The following DAAM1 variants were observed in gnomAD, a reference collection of about 807,000 sequenced individuals.
DAAM1 encodes the protein disheveled-associated activator of morphogenesis 1.
Under a neutral mutation model 130.0 loss-of-function variants are expected in DAAM1, and 52 were observed. The observed-to-expected ratio is 0.40, with a 90% CI of 0.32 to 0.50. DAAM1 has a LOEUF of 0.50. DAAM1 is among the 20% of genes least tolerant of loss of function. The pLI, the probability that DAAM1 is intolerant of heterozygous loss-of-function variation, is 0.61. For missense variants in DAAM1, 1,134 were observed against 1,303.8 expected, an observed-to-expected ratio of 0.87 and a Z score of 2.01; for synonymous variants, 452 against 444.5, an observed-to-expected ratio of 1.02 and a Z score of -0.21.
intron 22 of DAAM1, among the ~76,000 whole-genome samples, chr14:59,361,189 T>A (rs943103252): frequency 1.3e-5 from 2 of 152,196 alleles, no homozygotes; most frequent in African/African-American, 4.8e-5. Flanking sequence ...AGTTTCCAAG[T>A]GCTGCTAATA....
At chr14:59,319,424 GTCC>G (rs1445924179) in intron 4 of DAAM1, among the ~76,000 whole-genome samples, 13 of 152,130 alleles carry the variant, frequency 8.5e-5, no homozygotes. Flanking sequence ...ATGAGTTATG[GTCC>G]TGAAAGAAAG....
intron 1 of DAAM1, among the ~76,000 whole-genome samples, chr14:59,204,829 C>T (rs376380296): frequency 1.3e-5 from 2 of 152,048 alleles, no homozygotes; most frequent in Non-Finnish European, 2.9e-5. Context: ...GTCAGGAGTT[C>T]GAGACCAGCC....
At chr14:59,356,162 TA>T (rs1886473598) in intron 20 of DAAM1, among the ~76,000 whole-genome samples, 1 of 152,222 alleles carries the variant, frequency 6.6e-6, no homozygotes, top group Admixed American at 6.5e-5. Flanking sequence ...GTTTCTAAGG[TA>T]AGCTTCTTCA....
chr14:59,226,368 A>G (rs191589797), intron 1 of DAAM1, among the ~76,000 whole-genome samples: 1 of 152,282 alleles, frequency 6.6e-6, no homozygotes, highest in Non-Finnish European at 1.5e-5. Flanking sequence ...AACTAAATTT[A>G]AGACAAACAC....
At chr14:59,363,621 C>A in intron 22 of DAAM1, 30 bp from the exon 23 acceptor site, 1 of 1,613,340 alleles carries the variant, frequency 6.2e-7, no homozygotes, top group Non-Finnish European at 8.5e-7. Context: ...TTGAAGCCTG[C>A]ATTGACATTA....
At chr14:59,200,029 C>T (rs185696685) in intron 1 of DAAM1, among the ~76,000 whole-genome samples, 47 of 152,322 alleles carry the variant, frequency 3.1e-4, no homozygotes, top group African/African-American at 1.0e-3. Flanking sequence ...TGGGAAACTG[C>T]GCCACCCTGC....
At chr14:59,270,373 A>G (rs1001413210) in intron 2 of DAAM1, among the ~76,000 whole-genome samples, 1 of 152,132 alleles carries the variant, frequency 6.6e-6, no homozygotes, top group East Asian at 1.9e-4. Context: ...CAGAGAAGCA[A>G]TGGTGGTGGG....
chr14:59,220,884 G>A (rs563392915), intron 1 of DAAM1, among the ~76,000 whole-genome samples: 2 of 152,144 alleles, frequency 1.3e-5, no homozygotes, highest in Non-Finnish European at 2.9e-5. Context: ...TGATGCCCAC[G>A]CACATTGGTG....
chr14:59,300,783 C>G (rs866388183), intron 3 of DAAM1, among the ~76,000 whole-genome samples: 2 of 152,114 alleles, frequency 1.3e-5, no homozygotes, highest in Non-Finnish European at 1.5e-5. Context: ...GCATTTATTC[C>G]TAAACAATAT....
chr14:59,322,560 A>G (rs1957406), intron 5 of DAAM1, among the ~76,000 whole-genome samples: 79,962 of 151,684 alleles, frequency 0.53, 22,217 homozygotes, highest in African/African-American at 0.7. Flanking sequence ...TAACACAGGA[A>G]CAGCAGATGG....
rs747863127 is a variant in DAAM1, at chr14:59,346,936, A to G, written c.2076-603A>G. 2.1e-4 allele frequency among the ~76,000 whole-genome samples: 32 copies of G among 152,316 alleles called. 1 individual carries two copies. The East Asian group carries it at 3.3e-3, about 16-fold the overall frequency. ...TTGTATAAAGAGTTTGAGATTAGCA[A>G]TCAAGAGTCGTGGGTTTGTGGTTAC... On this transcript the variant is annotated intron_variant, in intron 16 of 24. Coordinates refer to ENST00000360909, the MANE Select transcript of DAAM1 (RefSeq NM_001270520.2).
intron 18 of DAAM1, 77 bp from the exon 19 acceptor site, chr14:59,353,799 C>A: frequency 1.4e-6 from 2 of 1,387,138 alleles, no homozygotes; most frequent in Non-Finnish European, 1.0e-6. Context: ...TTCTAGGTAC[C>A]TCCACCTCCA....
At chr14:59,366,948 A>G (rs908902057) in intron 23 of DAAM1, among the ~76,000 whole-genome samples, 1 of 151,656 alleles carries the variant, frequency 6.6e-6, no homozygotes, top group Non-Finnish European at 1.5e-5. Flanking sequence ...TAACATATGC[A>G]TTCCAGCCTG....
intron 11 of DAAM1, 116 bp downstream of exon 11, chr14:59,326,764 A>G (rs1817131055): frequency 6.6e-7 from 1 of 1,525,784 alleles, no homozygotes; most frequent in African/African-American, 1.4e-5. Context: ...GTCAAATATG[A>G]GTTACTGTAC....
intron 1 of DAAM1, among the ~76,000 whole-genome samples, chr14:59,258,967 A>G (rs1236667175): frequency 6.6e-6 from 1 of 152,212 alleles, no homozygotes; most frequent in Non-Finnish European, 1.5e-5. Context: ...AAACTAGCCA[A>G]GAACTTCATA....
intron 22 of DAAM1, chr14:59,362,870 T>A (rs1375581207): frequency 1.3e-5 from 2 of 152,220 alleles, no homozygotes; most frequent in African/African-American, 4.8e-5. Flanking sequence ...AAATTCTGGC[T>A]CTGTCACTGG....
intron 12 of DAAM1, among the ~76,000 whole-genome samples, chr14:59,329,811 C>T (rs976995150): frequency 6.6e-6 from 1 of 152,196 alleles, no homozygotes; most frequent in African/African-American, 2.4e-5. Context: ...ATATTTTTCT[C>T]CCCTGTGTTA....
At chr14:59,359,091 C>T (rs1326673042) in intron 20 of DAAM1, among the ~76,000 whole-genome samples, 3 of 152,134 alleles carry the variant, frequency 2.0e-5, no homozygotes, top group Non-Finnish European at 4.4e-5. Flanking sequence ...CATCACATTA[C>T]CCAGATTTTG....
At chr14:59,225,811 G>A (rs182273841) in intron 1 of DAAM1, among the ~76,000 whole-genome samples, 159 of 152,324 alleles carry the variant, frequency 1.0e-3, no homozygotes, top group African/African-American at 3.7e-3. Context: ...TACTGAGAGG[G>A]TGCTTGCGAA....
Sources: allele counts gnomAD v4.1 joint callset (sites outside exome capture counted in the v4.1 genomes callset), GRCh38; gene constraint gnomAD v4.1.1; transcripts MANE v1.5; gene names NCBI Gene and HGNC (gene_info 2026-07-23, HGNC 2026-07-21).